The following UBE3D variants were observed in gnomAD, a reference collection of about 807,000 sequenced individuals.
UBE3D encodes ubiquitin protein ligase E3D.
In UBE3D, 48 loss-of-function variants were observed where a neutral mutation model predicts 49.6. The observed-to-expected ratio is 0.97, with a 90% CI of 0.77 to 1.23. The LOEUF (loss-of-function observed/expected upper bound fraction) is 1.23, where lower values mean the gene tolerates loss of function less well. Among genes scored for constraint, UBE3D ranks in the 50% most tolerant of loss-of-function variants. The pLI is 0.00. For missense variants in UBE3D, 452 were observed against 468.4 expected (o/e 0.96, Z 0.32); for synonymous variants, 189 against 174.2 (o/e 1.08, Z -0.67).
chr6:82,905,348 C>T (rs139566301), intron 9 of UBE3D, among the ~76,000 whole-genome samples: 316 of 152,130 alleles, frequency 2.1e-3, no homozygotes, highest in African/African-American at 7.4e-3. Context: ...ATACCTGTTA[C>T]GGTGATCTAT....
At chr6:83,034,340 T>A (rs1047161948) in intron 5 of UBE3D, among the ~76,000 whole-genome samples, 1 of 152,206 alleles carries the variant, frequency 6.6e-6, no homozygotes. Flanking sequence ...AATACTACCA[T>A]GGAGATGTTT....
Position 83,057,599 on chromosome 6 carries a change from ATT to A in UBE3D, c.274+225_274+226del, listed in dbSNP as rs1353544252. Among the ~76,000 whole-genome samples, 14 of 152,282 alleles carry A rather than the reference ATT, an allele frequency of 9.2e-5. No homozygotes were observed. The East Asian group carries it at 2.7e-3, about 29-fold the overall frequency. On this transcript the variant is annotated intron_variant, in intron 2 of 9. Transcript: ENST00000369747. Reference sequence around the variant, plus strand: ...GGGAAATCTCTATACTTTCTGCTCAATTTTGCTGTGGGTGGAAAAGAAAGAAG... The same window carrying A: ...GGGAAATCTCTATACTTTCTGCTCAATTGCTGTGGGTGGAAAAGAAAGAAG...
chr6:82,970,354 T>A (rs940622435), intron 8 of UBE3D, among the ~76,000 whole-genome samples: 1 of 151,944 alleles, frequency 6.6e-6, no homozygotes, highest in Admixed American at 6.6e-5. Context: ...TTTATAATTT[T>A]AAAAAATTGT....
Position 83,044,661 on chromosome 6 carries a change from T to TC in UBE3D, c.366-3_366-2insG. On this transcript the variant is annotated splice_region_variant and splice_polypyrimidine_tract_variant and intron_variant, in intron 3 of 9. Transcript: ENST00000369747. The stretch of plus-strand genomic sequence containing the variant: ...AGTGGGAGCACCCTGAGGAGCTTCC[T>TC]AGTGGAAAGAGGAAAAATCATTTTT... The TC allele has an allele frequency of 6.2e-7, 1 of 1,604,440 alleles. No homozygotes were observed. Among genetic ancestry groups the TC allele is most frequent in the Non-Finnish European group, 8.5e-7 (1 of 1,173,808 alleles).
intron 8 of UBE3D, among the ~76,000 whole-genome samples, chr6:83,007,685 C>T (rs1447799265): frequency 6.6e-6 from 1 of 152,168 alleles, no homozygotes; most frequent in Non-Finnish European, 1.5e-5. Flanking sequence ...TGGCTCATGC[C>T]TGTAATCCCA....
chr6:82,961,779 T>C (rs964619456), intron 8 of UBE3D, among the ~76,000 whole-genome samples: 9 of 152,038 alleles, frequency 5.9e-5, no homozygotes, highest in African/African-American at 1.9e-4. Context: ...CTGATCAATA[T>C]GGAGAAACCC....
At chr6:82,907,517 G>A (rs546308339) in intron 9 of UBE3D, among the ~76,000 whole-genome samples, 186 of 152,254 alleles carry the variant, frequency 1.2e-3, no homozygotes, top group Non-Finnish European at 1.3e-3. Flanking sequence ...GGGGATGTAG[G>A]AGGGGAACAG....
chr6:82,966,559 A>G (rs1258778915), intron 8 of UBE3D, among the ~76,000 whole-genome samples: 1 of 87,030 alleles, frequency 1.1e-5, no homozygotes, highest in Non-Finnish European at 2.3e-5. Context: ...CTGAGGCAGG[A>G]GAATGGCGTG....
At chr6:82,908,879 G>T (rs1184314414) in intron 9 of UBE3D, among the ~76,000 whole-genome samples, 1 of 152,176 alleles carries the variant, frequency 6.6e-6, no homozygotes, top group Non-Finnish European at 1.5e-5. Context: ...CAGTCCTGGG[G>T]TCATAAAGCA....
chr6:82,922,668 T>TTCAC (rs1393856636), intron 9 of UBE3D, among the ~76,000 whole-genome samples: 1 of 21,650 alleles, frequency 4.6e-5, no homozygotes, highest in South Asian at 2.1e-3. Context: ...GACATAGGCA[T>TTCAC]GTCTAAAACA....
At chr6:82,997,607 T>C (rs1444787942) in intron 8 of UBE3D, among the ~76,000 whole-genome samples, 1 of 151,932 alleles carries the variant, frequency 6.6e-6, no homozygotes, top group African/African-American at 2.4e-5. Context: ...TAGTCCCAGC[T>C]ACTTGGGAGG....
At chr6:83,046,276 G>T (rs913419756) in intron 3 of UBE3D, among the ~76,000 whole-genome samples, 3 of 150,826 alleles carry the variant, frequency 2.0e-5, no homozygotes, top group Admixed American at 1.3e-4. Context: ...ATTTTCCTTT[G>T]ATTTCCCCAA....
chr6:83,026,466 T>C (rs928917265), intron 5 of UBE3D, among the ~76,000 whole-genome samples: 2 of 152,050 alleles, frequency 1.3e-5, no homozygotes, highest in East Asian at 1.9e-4. Flanking sequence ...AATAGTGTTG[T>C]CAAACAACTT....
chr6:83,039,614 G>GATT (rs1782506159), intron 4 of UBE3D, among the ~76,000 whole-genome samples: 1 of 151,966 alleles, frequency 6.6e-6, no homozygotes, highest in Non-Finnish European at 1.5e-5. Flanking sequence ...CAATTCAGTG[G>GATT]ATTACTGTGT....
intron 8 of UBE3D, among the ~76,000 whole-genome samples, chr6:83,014,349 G>T (rs968395965): frequency 6.6e-6 from 1 of 152,202 alleles, no homozygotes. Context: ...GGTAGAGTCA[G>T]CTCTAATGGT....
At chr6:82,935,245 G>A (rs904630593) in intron 9 of UBE3D, among the ~76,000 whole-genome samples, 1 of 151,658 alleles carries the variant, frequency 6.6e-6, no homozygotes, top group African/African-American at 2.4e-5. Context: ...AGGGGTGGGG[G>A]TGCCACACAC....
At chr6:82,961,833 A>G (rs1562126310) in intron 8 of UBE3D, among the ~76,000 whole-genome samples, 1 of 151,992 alleles carries the variant, frequency 6.6e-6, no homozygotes, top group Non-Finnish European at 1.5e-5. Context: ...ATGGTGATGC[A>G]TGCCTGTAAT....
At chr6:82,982,239 A>G (rs538993394) in intron 8 of UBE3D, among the ~76,000 whole-genome samples, 1 of 152,172 alleles carries the variant, frequency 6.6e-6, no homozygotes, top group African/African-American at 2.4e-5. Flanking sequence ...AAATACTATC[A>G]TATCATCTAT....
chr6:82,914,033 G>A (rs1288300695), intron 9 of UBE3D, among the ~76,000 whole-genome samples: 2 of 152,154 alleles, frequency 1.3e-5, no homozygotes, highest in Non-Finnish European at 2.9e-5. Flanking sequence ...AGACACTGAG[G>A]CCCAAAAATG....
Sources: gnomAD v4.1 joint callset for allele counts (sites outside exome capture counted in the v4.1 genomes callset) on GRCh38, gnomAD v4.1.1 for gene constraint, MANE v1.5 for transcripts, NCBI Gene and HGNC (gene_info 2026-07-23, HGNC 2026-07-21) for gene names.